SLC26A11: variants seen among roughly 807,000 people sequenced by gnomAD.
The protein encoded by SLC26A11 is solute carrier family 26 member 11.
A neutral mutation model predicts 62.2 loss-of-function variants in SLC26A11; 58 were observed. The ratio of observed to expected loss-of-function variants is 0.93; its 90% CI spans 0.76 to 1.16. The LOEUF (loss-of-function observed/expected upper bound fraction) is 1.16, where lower values mean the gene tolerates loss of function less well. SLC26A11 is among the 50% of genes most tolerant of loss of function. SLC26A11 has a pLI of 0.00. For synonymous variants in SLC26A11, 411 were observed against 368.9 expected, an observed-to-expected ratio of 1.11 and a Z score of -1.31; for missense variants, 790 against 794.3, an observed-to-expected ratio of 0.99 and a Z score of 0.06.
At chr17:80,251,506 T>C (rs1567971456) in intron 17 of SLC26A11, 105 bp downstream of exon 17, 1 of 1,452,724 alleles carries the variant, frequency 6.9e-7, no homozygotes, top group Non-Finnish European at 9.4e-7. Flanking sequence ...CTCATGCCTG[T>C]AATCCCAGCA....
At chr17:80,224,246 GGAGTGTGT>G (rs894444479) in intron 5 of SLC26A11, among the ~76,000 whole-genome samples, 9 of 140,548 alleles carry the variant, frequency 6.4e-5, no homozygotes, top group Non-Finnish European at 1.1e-4. Flanking sequence ...TGGGTTTGAG[GGAGTGTGT>G]GAGTGTGTGC....
chr17:80,247,887 G>C (rs1008625888), intron 13 of SLC26A11, among the ~76,000 whole-genome samples: 1 of 152,202 alleles, frequency 6.6e-6, no homozygotes, highest in Non-Finnish European at 1.5e-5. Flanking sequence ...CCTGAGGTTG[G>C]AGGCCAGGGA....
In SLC26A11 at chr17:80,246,118, C is replaced by T. The variant is rs1426457669; in HGVS notation, c.1098-36C>T. ...TGGACTGAGGTCTCCCTTTTCCCGG[C>T]CCCTGGTGACTGACGGTCTCTGTGT... On this transcript the variant is annotated intron_variant, in intron 11 of 17. Coordinates refer to ENST00000361193, the MANE Select transcript of SLC26A11 (RefSeq NM_001166347.2). This position sits in a 1 kb window ranked among gnomAD's most constrained non-coding sequence, Gnocchi z 4.4. The T allele has an allele frequency of 6.2e-7, 1 of 1,612,210 alleles. No homozygotes were observed. Among genetic ancestry groups the T allele is most frequent in the South Asian group, 1.1e-5 (1 of 91,056 alleles).
intron 16 of SLC26A11, among the ~76,000 whole-genome samples, chr17:80,250,820 T>TC: frequency 6.9e-6 from 1 of 143,998 alleles, no homozygotes; most frequent in South Asian, 2.3e-4. Context: ...AGAGTGAAAC[T>TC]CCATCTCAAA....
intron 6 of SLC26A11, 112 bp from the exon 7 acceptor site, chr17:80,227,706 G>A (rs2042448535): frequency 4.1e-6 from 6 of 1,464,014 alleles, no homozygotes; most frequent in Non-Finnish European, 5.5e-6. Context: ...CTGGGCATTG[G>A]GCCTCCCTGG....
intron 8 of SLC26A11, chr17:80,237,315 T>G: frequency 1.3e-6 from 1 of 758,946 alleles, no homozygotes; most frequent in Non-Finnish European, 2.1e-6. Flanking sequence ...CAGGGGCGCT[T>G]CTCCTGTTTT....
intron 5 of SLC26A11, among the ~76,000 whole-genome samples, chr17:80,224,563 G>T (rs113733443): frequency 6.6e-6 from 1 of 152,138 alleles, no homozygotes; most frequent in African/African-American, 2.4e-5. Context: ...AACACACCCC[G>T]GGAGGTAGAT....
chr17:80,228,289 C>T lies in SLC26A11; in HGVS notation c.736+329C>T, dbSNP rs542939689. Among the ~76,000 whole-genome samples the T allele has an allele frequency of 6.6e-5, 10 of 152,264 alleles. No homozygotes were observed. The highest frequency in any genetic ancestry group is 1.0e-4 in the Non-Finnish European group (7 of 68,030). The stretch of plus-strand genomic sequence containing the variant: ...CTGGGATTACAGGCGCATGCCACCA[C>T]GCTCGACTGATTTTTGTATTTATAG... On this transcript the variant is annotated intron_variant, in intron 7 of 17. Coordinates refer to ENST00000361193, the MANE Select transcript of SLC26A11 (RefSeq NM_001166347.2). This position sits in a 1 kb window ranked among gnomAD's most constrained non-coding sequence, Gnocchi z 4.1.
chr17:80,221,718 T>C lies in SLC26A11; in HGVS notation c.158T>C (p.Val53Ala). 2 of 1,613,740 alleles carry C rather than the reference T, an allele frequency of 1.2e-6. No homozygotes were observed. Among genetic ancestry groups the C allele is most frequent in the Non-Finnish European group, 1.7e-6 (2 of 1,180,042 alleles). ...CTGCAGTGGCTGAAGATGGATTTCG[T>C]CGCCGGCCTCTCAGTTGGCCTCACT... The part of the protein sequence containing the change: ...YSLQWLKMDF[V>A]AGLSVGLTAI... The change falls in exon 3 of 18, where the codon GTC (valine) becomes GCC (alanine). Residue 53 changes from valine to alanine, a missense_variant. Coordinates refer to ENST00000361193, the MANE Select transcript of SLC26A11 (RefSeq NM_001166347.2).
chr17:80,233,313 T>G (rs552889482), intron 7 of SLC26A11, among the ~76,000 whole-genome samples: 2 of 152,162 alleles, frequency 1.3e-5, no homozygotes, highest in East Asian at 3.9e-4. Flanking sequence ...TTTTAAATTT[T>G]TTTATAGAAA....
At position 80,221,490 on chromosome 17, in the gene SLC26A11, G is replaced by T. The variant is rs1598778600; in HGVS notation, c.-13-58G>T. 8.5e-6 allele frequency: 11 copies of T among 1,287,198 alleles called. No homozygotes were observed. In the South Asian group the frequency reaches 1.3e-4, roughly 16 times the overall value. 79.7% of individuals were successfully genotyped at this position (1,287,198 alleles called of 1,614,324 possible). On this transcript the variant is annotated intron_variant, in intron 2 of 17. Coordinates refer to ENST00000361193, the MANE Select transcript of SLC26A11 (RefSeq NM_001166347.2). Reference sequence around the variant, plus strand: ...ACACCCGCCGACCCTGACCAGTGTTGCCGGGTTCTTCAAAGGCCACGCTCT... The same window carrying T: ...ACACCCGCCGACCCTGACCAGTGTTTCCGGGTTCTTCAAAGGCCACGCTCT...
intron 7 of SLC26A11, among the ~76,000 whole-genome samples, chr17:80,235,274 A>G (rs1460617083): frequency 1.3e-5 from 2 of 151,960 alleles, no homozygotes; most frequent in Non-Finnish European, 2.9e-5. Context: ...TATTAACTAA[A>G]TTACATTTGG....
In SLC26A11 at chr17:80,241,666, C is replaced by T. The variant is rs1191357856; in HGVS notation, c.986-105C>T. ...GATGTGTATTCTTAGATTTACAAAA[C>T]TTATTGCCGTGTGTAGAAATTCATA... On this transcript the variant is annotated intron_variant, in intron 9 of 17. Coordinates refer to ENST00000361193, the MANE Select transcript of SLC26A11 (RefSeq NM_001166347.2). 7.6e-6 allele frequency: 9 copies of T among 1,187,034 alleles called. No homozygotes were observed. In the African/African-American group the frequency reaches 1.0e-4, roughly 14 times the overall value. The allele number at this position is 1,187,034 out of a possible 1,614,324, so 73.5% of individuals were successfully genotyped here.
chr17:80,232,059 A>G (rs908952871), intron 7 of SLC26A11, among the ~76,000 whole-genome samples: 1 of 152,056 alleles, frequency 6.6e-6, no homozygotes, highest in Non-Finnish European at 1.5e-5. Flanking sequence ...GACTTTGTCT[A>G]TTTTCCTTTC....
chr17:80,247,626 G>T (rs1235935998), intron 13 of SLC26A11, among the ~76,000 whole-genome samples: 1 of 152,218 alleles, frequency 6.6e-6, no homozygotes, highest in Non-Finnish European at 1.5e-5. Flanking sequence ...AGTGCGCTGG[G>T]GCTTTAGAAC....
In SLC26A11 at chr17:80,221,887, C is replaced by T. The variant is rs140609401; in HGVS notation, c.234+93C>T. The T allele has an allele frequency of 8.5e-3, 11,046 of 1,305,654 alleles. 53 individuals carry two copies. Among genetic ancestry groups the T allele is most frequent in the East Asian group, 0.012 (489 of 39,450 alleles). The allele number at this position is 1,305,654 out of a possible 1,614,324, so 80.9% of individuals were successfully genotyped here. ...GACACCATCAGCGATTCCAGGTTTCCAGCCCCTGGGCCCCAAGGAACCTTT... is the reference window on the plus strand; with the variant it reads ...GACACCATCAGCGATTCCAGGTTTCTAGCCCCTGGGCCCCAAGGAACCTTT... On this transcript the variant is annotated intron_variant, in intron 3 of 17. Transcript: ENST00000361193.
At chr17:80,236,548 A>G (rs981084361) in intron 7 of SLC26A11, among the ~76,000 whole-genome samples, 1 of 152,162 alleles carries the variant, frequency 6.6e-6, no homozygotes, top group Non-Finnish European at 1.5e-5. Context: ...ACTGTCCCGC[A>G]TCTTGGAGGC....
Position 80,237,042 on chromosome 17 carries a change from G to A in SLC26A11, c.851G>A (p.Arg284Gln), listed in dbSNP as rs778433615. 10 of 1,614,028 alleles carry A rather than the reference G, an allele frequency of 6.2e-6. No individual in the cohort carries two copies. The highest frequency in any genetic ancestry group is 5.5e-5 in the South Asian group (5 of 91,070). ...ACAGCTGAGGGGCTCCCTCCAGTCC[G>A]GATCCCGCCCTTCTCAGTGACCACA... ...GETAEGLPPV[R>Q]IPPFSVTTAN... The change falls in exon 8 of 18, where the codon CGG (arginine) becomes CAG (glutamine). Residue 284 changes from arginine to glutamine, a missense_variant. Arg to Gln is a conservative substitution (Grantham distance 43). Coordinates refer to ENST00000361193, the MANE Select transcript of SLC26A11 (RefSeq NM_001166347.2).
At chr17:80,240,577 C>T (rs2042833300) in intron 9 of SLC26A11, among the ~76,000 whole-genome samples, 1 of 151,678 alleles carries the variant, frequency 6.6e-6, no homozygotes, top group African/African-American at 2.4e-5. Flanking sequence ...CCAAGGTGGG[C>T]GGATCACCTG....
Sources: allele counts gnomAD v4.1 joint callset (sites outside exome capture counted in the v4.1 genomes callset), GRCh38; gene constraint gnomAD v4.1.1; non-coding constraint Gnocchi (gnomAD v3.1); transcripts MANE v1.5; gene names NCBI Gene and HGNC (gene_info 2026-07-23, HGNC 2026-07-21).